Variants in TFB1M observed in about 807,000 individuals in gnomAD.
TFB1M encodes the protein dimethyladenosine transferase 1, mitochondrial.
TFB1M carries 27 observed loss-of-function variants against 31.1 expected under a neutral mutation model. That is an observed-to-expected ratio of 0.87 (90% CI 0.64 to 1.20). The LOEUF (loss-of-function observed/expected upper bound fraction) is 1.20. TFB1M is among the 50% of genes most tolerant of loss of function. The pLI is 0.00. For missense variants in TFB1M, 394 were observed against 418.7 expected (o/e 0.94, Z 0.51); for synonymous variants, 166 against 151.8 (o/e 1.09, Z -0.69).
chr6:155,291,599 C>T (rs1776927205), intron 4 of TFB1M, among the ~76,000 whole-genome samples: 1 of 152,230 alleles, frequency 6.6e-6, no homozygotes, highest in African/African-American at 2.4e-5. Flanking sequence ...GTTTTCCAAC[C>T]TTGGCATGAC....
intron 6 of TFB1M, 71 bp from the exon 7 acceptor site, chr6:155,258,153 C>T: frequency 6.4e-7 from 1 of 1,571,524 alleles, no homozygotes; most frequent in South Asian, 1.1e-5. Context: ...CACTTTTTAA[C>T]CCTCATTTGA....
At chr6:155,298,716 A>T in intron 2 of TFB1M, 131 bp from the exon 3 acceptor site, 1 of 673,626 alleles carries the variant, frequency 1.5e-6, no homozygotes. Context: ...TAATGAACAA[A>T]TACTGCATCA....
At chr6:155,281,126 C>T (rs968211738) in intron 5 of TFB1M, among the ~76,000 whole-genome samples, 1 of 152,108 alleles carries the variant, frequency 6.6e-6, no homozygotes, top group Non-Finnish European at 1.5e-5. Context: ...TTGTTTATAT[C>T]ATAACAATAA....
chr6:155,263,836 G>A (rs1381035083), intron 5 of TFB1M, among the ~76,000 whole-genome samples: 1 of 151,878 alleles, frequency 6.6e-6, no homozygotes, highest in Non-Finnish European at 1.5e-5. Context: ...CACTCTCACG[G>A]TGTTCAAGAC....
At chr6:155,255,284 GC>G (rs1471506687), downstream of TFB1M, 5 of 152,220 alleles carry the variant, frequency 3.3e-5, no homozygotes, top group African/African-American at 1.2e-4. Flanking sequence ...AAGTTAAGGG[GC>G]CTCTTATACT....
At chr6:155,286,661 GTATATATACATATATATA>G (rs1053593312) in intron 4 of TFB1M, among the ~76,000 whole-genome samples, 3 of 145,588 alleles carry the variant, frequency 2.1e-5, no homozygotes, top group Non-Finnish European at 3.0e-5. Flanking sequence ...ATATATATAT[GTATATATACATATATATA>G]TATTTTTTTG....
intron 5 of TFB1M, among the ~76,000 whole-genome samples, chr6:155,275,064 A>C (rs1322071746): frequency 1.6e-5 from 2 of 122,718 alleles, no homozygotes; most frequent in African/African-American, 3.5e-5. Flanking sequence ...TAAAAATACA[A>C]AAAAAAAAAA....
intron 6 of TFB1M, 124 bp downstream of exon 6, chr6:155,260,149 C>T (rs1784326097): frequency 8.8e-7 from 1 of 1,139,036 alleles, no homozygotes; most frequent in Non-Finnish European, 1.3e-6. Context: ...TCTTGTCCGT[C>T]ACAGGCCTGA....
chr6:155,314,257 A>G (rs1562433645), intron 1 of TFB1M, 39 bp downstream of exon 1: 1 of 1,610,294 alleles, frequency 6.2e-7, no homozygotes, highest in Admixed American at 1.7e-5. Flanking sequence ...CCCCACGGAC[A>G]CTGGGGAGAC....
intron 4 of TFB1M, among the ~76,000 whole-genome samples, chr6:155,286,114 G>A (rs541947488): frequency 1.9e-4 from 29 of 151,982 alleles, no homozygotes; most frequent in Non-Finnish European, 3.2e-4. Context: ...TTTAACACAC[G>A]ATAGATGCGA....
At position 155,257,977 on chromosome 6, in the gene TFB1M, A is replaced by G. The variant is rs1366943834; in HGVS notation, c.900T>C (p.Phe300=). 5 of 1,614,208 alleles carry G rather than the reference A, an allele frequency of 3.1e-6. No individual in the cohort carries two copies. The highest frequency in any genetic ancestry group is 4.5e-5 in the East Asian group (2 of 44,884). The change falls in exon 7 of 7, where the codon TTT becomes TTC. Residue 300 remains phenylalanine (F), a synonymous_variant. Coordinates refer to ENST00000367166, the MANE Select transcript of TFB1M (RefSeq NM_016020.4). ...TTCTGTATACATCACAGAGGCTCTT[A>G]AAGTGTGAGATGGAGAGCTGGCGGG... is the stretch of plus-strand genomic sequence containing the variant. ...LRPRQLSISH[F]KSLCDVYRKM... is the part of the protein sequence containing the mutation.
chr6:155,240,255 C>G, the TFB1M span, among the ~76,000 whole-genome samples: 3 of 152,364 alleles, frequency 2.0e-5, no homozygotes, highest in South Asian at 2.1e-4. Flanking sequence ...GGCAATGACT[C>G]TGTAATTTCA....
the TFB1M span, among the ~76,000 whole-genome samples, chr6:155,242,907 TTTTTTTC>T: frequency 1.6e-5 from 2 of 123,728 alleles, no homozygotes; most frequent in East Asian, 3.9e-4. Context: ...AGCTATTTTT[TTTTTTTC>T]TTTTTTTTAG....
intron 4 of TFB1M, among the ~76,000 whole-genome samples, chr6:155,289,834 T>A (rs1434917650): frequency 6.6e-6 from 1 of 152,126 alleles, no homozygotes; most frequent in Non-Finnish European, 1.5e-5. Context: ...GGGGGCAGAT[T>A]TCCCTCTTGC....
In TFB1M at chr6:155,284,917, A is replaced by C. The variant is rs137916812; in HGVS notation, c.666+241T>G. On this transcript the variant is annotated intron_variant, in intron 5 of 6. Coordinates refer to ENST00000367166, the MANE Select transcript of TFB1M (RefSeq NM_016020.4). ...ATCATGAAGATGAAGATGATGAATG[A>C]TACTGCCACCAGGATAACATGCATG... is the stretch of plus-strand genomic sequence containing the variant. Among the ~76,000 whole-genome samples, 270 of 152,360 alleles carry C rather than the reference A, an allele frequency of 1.8e-3. 1 individual carries two copies. Among genetic ancestry groups the C allele is most frequent in the African/African-American group, 6.3e-3 (263 of 41,594 alleles).
At chr6:155,249,142 T>A in the TFB1M span, among the ~76,000 whole-genome samples, 3 of 152,294 alleles carry the variant, frequency 2.0e-5, no homozygotes, top group South Asian at 6.2e-4. Context: ...AGAATTAAAA[T>A]GCTGAATTGG....
intron 2 of TFB1M, among the ~76,000 whole-genome samples, chr6:155,306,690 ACAG>A (rs1323443671): frequency 1.3e-5 from 2 of 152,246 alleles, no homozygotes; most frequent in Admixed American, 6.5e-5. Context: ...ATCTACAGTG[ACAG>A]CAGATTAGTG....
chr6:155,238,952 T>C, the TFB1M span, among the ~76,000 whole-genome samples: 1 of 152,170 alleles, frequency 6.6e-6, no homozygotes, highest in Non-Finnish European at 1.5e-5. Context: ...ATGACAACAC[T>C]GTGTTGGTGG....
At chr6:155,254,355 C>A (rs775737136), downstream of TFB1M, 2 of 1,572,616 alleles carry the variant, frequency 1.3e-6, no homozygotes, top group Non-Finnish European at 1.7e-6. Flanking sequence ...CACAGGCGGG[C>A]GTGGAATGGA....
Sources: gnomAD v4.1 joint callset for allele counts (sites outside exome capture counted in the v4.1 genomes callset) on GRCh38, gnomAD v4.1.1 for gene constraint, MANE v1.5 for transcripts, NCBI Gene and HGNC (gene_info 2026-07-23, HGNC 2026-07-21) for gene names.